Variants in WWOX observed in about 807,000 individuals in gnomAD.
WWOX encodes the protein WW domain-containing oxidoreductase.
WWOX carries 69 observed loss-of-function variants against 46.2 expected under a neutral mutation model. The observed-to-expected ratio is 1.49, with a 90% CI of 1.23 to 1.82. WWOX has a LOEUF of 1.82. WWOX is among the 40% of genes most tolerant of loss of function. The pLI is 0.00. For synonymous variants in WWOX, 359 were observed against 202.6 expected (o/e 1.77, Z -6.56); for missense variants, 919 against 542.6 (o/e 1.69, Z -6.89).
intron 5 of WWOX, among the ~76,000 whole-genome samples, chr16:78,333,574 C>G (rs970364746): frequency 6.6e-6 from 1 of 152,054 alleles, no homozygotes; most frequent in African/African-American, 2.4e-5. Context: ...TAGAATTCTG[C>G]TAAAACATGC....
intron 8 of WWOX, among the ~76,000 whole-genome samples, chr16:78,999,311 A>T (rs2047049559): frequency 6.6e-6 from 1 of 152,086 alleles, no homozygotes; most frequent in Non-Finnish European, 1.5e-5. Flanking sequence ...TCTCTACTAA[A>T]AATACAAAAT....
chr16:78,775,270 T>G (rs938388646), intron 8 of WWOX, among the ~76,000 whole-genome samples: 1 of 152,168 alleles, frequency 6.6e-6, no homozygotes, highest in African/African-American at 2.4e-5. Context: ...AAATATCTTG[T>G]GGGTTTGAAA....
At chr16:78,129,489 T>G (rs1183189158) in intron 4 of WWOX, among the ~76,000 whole-genome samples, 1 of 152,180 alleles carries the variant, frequency 6.6e-6, no homozygotes, top group Non-Finnish European at 1.5e-5. Context: ...GTTGTAATCT[T>G]ATGGGACTGC....
chr16:79,091,779 G>GTTTTT (rs11329411), intron 8 of WWOX, among the ~76,000 whole-genome samples: 17 of 109,144 alleles, frequency 1.6e-4, no homozygotes, highest in East Asian at 5.6e-4. Context: ...TCTTTTCTTT[G>GTTTTT]TTTTTTTTTT....
chr16:78,274,742 A>C (rs921559537), intron 5 of WWOX, among the ~76,000 whole-genome samples: 1 of 152,206 alleles, frequency 6.6e-6, no homozygotes, highest in African/African-American at 2.4e-5. Flanking sequence ...CGAGGGCCCT[A>C]GAATCACCTT....
chr16:78,497,465 C>T (rs898142226), intron 8 of WWOX, among the ~76,000 whole-genome samples: 1 of 152,126 alleles, frequency 6.6e-6, no homozygotes, highest in African/African-American at 2.4e-5. Context: ...AAATAGACAA[C>T]TGGGATTACA....
At chr16:78,465,118 C>A (rs902733213) in intron 8 of WWOX, among the ~76,000 whole-genome samples, 3 of 152,190 alleles carry the variant, frequency 2.0e-5, no homozygotes, top group Admixed American at 6.5e-5. Flanking sequence ...GGCTTTGACT[C>A]AGTTACCTCC....
At chr16:78,899,699 C>T (rs1032633663) in intron 8 of WWOX, 1 of 152,190 alleles carries the variant, frequency 6.6e-6, no homozygotes, top group Admixed American at 6.5e-5. Context: ...GGCTCTACTT[C>T]TTCATATTCC....
chr16:78,524,408 GTTTATTTATTTA>G (rs751207225), intron 8 of WWOX, among the ~76,000 whole-genome samples: 6 of 122,012 alleles, frequency 4.9e-5, no homozygotes, highest in African/African-American at 1.4e-4. Flanking sequence ...TTATTTATTT[GTTTATTTATTTA>G]TTTATTTATT....
chr16:79,188,395 CTG>C (rs2051062513), intron 8 of WWOX, among the ~76,000 whole-genome samples: 1 of 152,134 alleles, frequency 6.6e-6, no homozygotes, highest in South Asian at 2.1e-4. Context: ...TTTTCGGTAA[CTG>C]TGTTACTAAA....
At chr16:78,775,575 G>C (rs573939302) in intron 8 of WWOX, among the ~76,000 whole-genome samples, 32 of 152,214 alleles carry the variant, frequency 2.1e-4, no homozygotes, top group African/African-American at 7.5e-4. Context: ...CAACCTTGGA[G>C]GGCATGGTGT....
intron 5 of WWOX, among the ~76,000 whole-genome samples, chr16:78,182,919 T>A (rs142588044): frequency 2.1e-5 from 3 of 142,542 alleles, no homozygotes; most frequent in African/African-American, 7.9e-5. Context: ...CCACTGCACT[T>A]CAGCCTGGGT....
chr16:79,195,010 T>C (rs901761723), intron 8 of WWOX, among the ~76,000 whole-genome samples: 1 of 152,162 alleles, frequency 6.6e-6, no homozygotes, highest in African/African-American at 2.4e-5. Context: ...CTGCTGAGTA[T>C]GGATTATATG....
At chr16:79,208,423 G>GTGTT (rs2051595212) in intron 8 of WWOX, among the ~76,000 whole-genome samples, 1 of 152,010 alleles carries the variant, frequency 6.6e-6, no homozygotes, top group African/African-American at 2.4e-5. Flanking sequence ...GCTCCAGCCA[G>GTGTT]TGTTTGTATG....
chr16:78,437,630 AGTGTTT>A (rs1199070578), intron 8 of WWOX, among the ~76,000 whole-genome samples: 2 of 152,152 alleles, frequency 1.3e-5, no homozygotes, highest in Non-Finnish European at 2.9e-5. Context: ...CTGGGAGGGA[AGTGTTT>A]GTTTCTTCCT....
intron 8 of WWOX, among the ~76,000 whole-genome samples, chr16:78,850,263 G>A (rs1431771224): frequency 6.6e-6 from 1 of 152,122 alleles, no homozygotes; most frequent in Non-Finnish European, 1.5e-5. Flanking sequence ...GCCATGGTCA[G>A]TATTTGGTTA....
intron 8 of WWOX, among the ~76,000 whole-genome samples, chr16:78,588,485 T>C (rs542526707): frequency 1.3e-5 from 2 of 152,296 alleles, no homozygotes; most frequent in East Asian, 3.9e-4. Flanking sequence ...CTGAAAGTTA[T>C]TTTTGTAGTG....
At chr16:78,490,780 C>T (rs184532954) in intron 8 of WWOX, among the ~76,000 whole-genome samples, 1 of 152,210 alleles carries the variant, frequency 6.6e-6, no homozygotes, top group African/African-American at 2.4e-5. Flanking sequence ...CCTTACCCAG[C>T]AAACGTGGCT....
chr16:78,633,065 G>A (rs2046475885), intron 8 of WWOX, among the ~76,000 whole-genome samples: 1 of 151,990 alleles, frequency 6.6e-6, no homozygotes, highest in Admixed American at 6.6e-5. Flanking sequence ...GAGTTTGAGA[G>A]CAATCTGGCC....
Sources: gnomAD v4.1 joint callset for allele counts (sites outside exome capture counted in the v4.1 genomes callset) on GRCh38, gnomAD v4.1.1 for gene constraint, MANE v1.5 for transcripts, NCBI Gene and HGNC (gene_info 2026-07-23, HGNC 2026-07-21) for gene names.